Variants in PARD3B observed in about 807,000 individuals in gnomAD.
The protein encoded by PARD3B is par-3 family cell polarity regulator beta, also known as partitioning defective 3 homolog B.
Under a neutral mutation model 130.2 loss-of-function variants are expected in PARD3B, and 103 were observed. The observed-to-expected ratio is 0.79, with a 90% CI of 0.67 to 0.93. The LOEUF is 0.93. Among genes scored for constraint, PARD3B ranks in the 40% least tolerant of loss-of-function variants. The pLI is 0.00. For missense variants in PARD3B, 1,609 were observed against 1,499.2 expected (o/e 1.07, Z -1.21); for synonymous variants, 583 against 553.2 (o/e 1.05, Z -0.76).
chr2:205,174,424 G>A (rs888567645), intron 12 of PARD3B, among the ~76,000 whole-genome samples: 3 of 152,096 alleles, frequency 2.0e-5, no homozygotes, highest in Admixed American at 2.0e-4. Context: ...GCATCTCTGC[G>A]GTACCCATGA....
intron 2 of PARD3B, among the ~76,000 whole-genome samples, chr2:204,747,690 A>G (rs527578724): frequency 2.0e-5 from 3 of 152,186 alleles, no homozygotes; most frequent in African/African-American, 7.2e-5. Flanking sequence ...CTACAAGGCT[A>G]CAGTAACCAA....
intron 15 of PARD3B, among the ~76,000 whole-genome samples, chr2:205,208,757 G>A (rs2125843078): frequency 6.9e-6 from 1 of 145,264 alleles, no homozygotes; most frequent in South Asian, 2.2e-4. Flanking sequence ...ATGCTCATGG[G>A]TAGGAACAAT....
chr2:204,757,791 C>G (rs1386039805), intron 2 of PARD3B, among the ~76,000 whole-genome samples: 2 of 151,992 alleles, frequency 1.3e-5, no homozygotes, highest in African/African-American at 2.4e-5. Context: ...CTACAAATCC[C>G]TTCAGTTTGA....
chr2:204,774,297 A>G (rs866081136), intron 2 of PARD3B, among the ~76,000 whole-genome samples: 1 of 151,876 alleles, frequency 6.6e-6, no homozygotes, highest in Admixed American at 6.6e-5. Context: ...CTCTGTGAGG[A>G]TGGGAACTTT....
In PARD3B at chr2:205,525,242, T is replaced by C. The variant is rs147199984; in HGVS notation, c.3180+25211T>C. On this transcript the variant is annotated intron_variant, in intron 21 of 22. Coordinates refer to ENST00000406610, the MANE Select transcript of PARD3B (RefSeq NM_001302769.2). The surrounding 1 kb of genome is among the most constrained non-coding windows in gnomAD (Gnocchi z 4.2). ...GGTCCTGAAAACAAGAGACATGGTA[T>C]GTAAAACTTCCAAATTGGTTTCCTT... Among the ~76,000 whole-genome samples, 4 of 152,296 alleles carry C rather than the reference T, an allele frequency of 2.6e-5. No homozygotes were observed. The East Asian group carries it at 7.7e-4, about 29-fold the overall frequency.
At chr2:204,662,631 G>A (rs1456613409) in intron 1 of PARD3B, among the ~76,000 whole-genome samples, 1 of 152,148 alleles carries the variant, frequency 6.6e-6, no homozygotes, top group Non-Finnish European at 1.5e-5. Flanking sequence ...AAGTTCAAGG[G>A]TTGAGGTTTA....
At position 204,586,967 on chromosome 2, in the gene PARD3B, A is replaced by G. The variant is rs2032853654; in HGVS notation, c.120+40848A>G. ...AAACATTGCCGTCCAGAAAAATCTA[A>G]TGATTTCTTCTTGTGGAATAGTGGA... On this transcript the variant is annotated intron_variant, in intron 1 of 22. Transcript: ENST00000406610. 6.6e-5 allele frequency among the ~76,000 whole-genome samples: 10 copies of G among 152,176 alleles called. No homozygotes were observed. In the South Asian group the frequency reaches 2.1e-3, roughly 31 times the overall value.
chr2:204,583,045 A>G (rs2032644652), intron 1 of PARD3B, among the ~76,000 whole-genome samples: 1 of 150,882 alleles, frequency 6.6e-6, no homozygotes, highest in Non-Finnish European at 1.5e-5. Context: ...AACTAGTTCA[A>G]CCATTGTGGA....
At chr2:204,975,087 C>A (rs1183090507) in intron 3 of PARD3B, among the ~76,000 whole-genome samples, 1 of 152,000 alleles carries the variant, frequency 6.6e-6, no homozygotes, top group Non-Finnish European at 1.5e-5. Context: ...GTTATCAAAC[C>A]TTATACTGAA....
chr2:204,796,529 C>T (rs1354323015), intron 2 of PARD3B, among the ~76,000 whole-genome samples: 2 of 152,186 alleles, frequency 1.3e-5, no homozygotes, highest in Non-Finnish European at 2.9e-5. Flanking sequence ...AACATCTCAA[C>T]GTAGACCATG....
intron 21 of PARD3B, among the ~76,000 whole-genome samples, chr2:205,515,183 T>TC (rs972278308): frequency 6.6e-6 from 1 of 151,988 alleles, no homozygotes; most frequent in Non-Finnish European, 1.5e-5. Context: ...CTCATTCTTT[T>TC]TTACGGCTGC....
At chr2:204,753,682 T>A (rs2040553035) in intron 2 of PARD3B, among the ~76,000 whole-genome samples, 1 of 152,114 alleles carries the variant, frequency 6.6e-6, no homozygotes. Flanking sequence ...CTAAACTGAT[T>A]CCTGAGATCC....
At chr2:205,232,619 AAG>A (rs2038899868) in intron 15 of PARD3B, among the ~76,000 whole-genome samples, 1 of 152,156 alleles carries the variant, frequency 6.6e-6, no homozygotes, top group African/African-American at 2.4e-5. Context: ...TTAGCAGACA[AAG>A]ACATTTAAAT....
chr2:205,613,273 G>C (rs1235144978), intron 22 of PARD3B, among the ~76,000 whole-genome samples: 2 of 152,206 alleles, frequency 1.3e-5, no homozygotes, highest in African/African-American at 2.4e-5. Flanking sequence ...AATGAGTGCA[G>C]AAAAACCACA....
intron 18 of PARD3B, among the ~76,000 whole-genome samples, chr2:205,370,185 T>C (rs1169853869): frequency 2.0e-5 from 3 of 152,218 alleles, no homozygotes; most frequent in Admixed American, 6.5e-5. Flanking sequence ...AAAATAGTAA[T>C]ATGTTGTTTT....
chr2:205,550,639 A>C lies in PARD3B; in HGVS notation c.3181-2685A>C, dbSNP rs997657079. On this transcript the variant is annotated intron_variant, in intron 21 of 22. Coordinates refer to ENST00000406610, the MANE Select transcript of PARD3B (RefSeq NM_001302769.2). The surrounding 1 kb of genome is among the most constrained non-coding windows in gnomAD (Gnocchi z 4.5). ...TCCTATTTCATTCTTTGGTTATTTC[A>C]GTTTGAATGCTGTTTTCCCAACAAG... Among the ~76,000 whole-genome samples, 1 of 151,972 alleles carries C rather than the reference A, an allele frequency of 6.6e-6. No individual in the cohort carries two copies. Among genetic ancestry groups the C allele is most frequent in the Non-Finnish European group, 1.5e-5 (1 of 67,990 alleles).
intron 2 of PARD3B, among the ~76,000 whole-genome samples, chr2:204,732,875 A>G (rs2039577654): frequency 6.6e-6 from 1 of 152,206 alleles, no homozygotes; most frequent in Non-Finnish European, 1.5e-5. Flanking sequence ...TCAGTAAAGG[A>G]CCACCTAATT....
At chr2:205,126,752 C>CAAAAAAAAAAAAAAAAAA (rs4045004) in intron 10 of PARD3B, among the ~76,000 whole-genome samples, 9 of 74,454 alleles carry the variant, frequency 1.2e-4, no homozygotes, top group Non-Finnish European at 1.3e-4. Context: ...GACTCCGTCT[C>CAAAAAAAAAAAAAAAAAA]AAAAAAAAAA....
intron 1 of PARD3B, among the ~76,000 whole-genome samples, chr2:204,613,362 T>G (rs1043270098): frequency 1.3e-5 from 2 of 152,130 alleles, no homozygotes; most frequent in Non-Finnish European, 2.9e-5. Context: ...ATTTTCCGCC[T>G]CCAGTTCTTT....
Sources: gnomAD v4.1 joint callset for allele counts (sites outside exome capture counted in the v4.1 genomes callset) on GRCh38, gnomAD v4.1.1 for gene constraint, Gnocchi (gnomAD v3.1) non-coding constraint, MANE v1.5 for transcripts, NCBI Gene and HGNC (gene_info 2026-07-23, HGNC 2026-07-21) for gene names.